The following RO60 variants were observed in gnomAD, a reference collection of about 807,000 sequenced individuals.
The protein encoded by RO60 is Ro60, Y RNA binding protein, also known as RNA-binding protein RO60.
In RO60, 20 loss-of-function variants were observed where a neutral mutation model predicts 55.3. The ratio of observed to expected loss-of-function variants is 0.36; its 90% CI spans 0.25 to 0.53. The LOEUF (loss-of-function observed/expected upper bound fraction) is 0.53. Among genes scored for constraint, RO60 ranks in the 20% least tolerant of loss-of-function variants. The pLI, the probability that RO60 is intolerant of heterozygous loss-of-function variation, is 0.92. For synonymous variants in RO60, 213 were observed against 213.6 expected, an observed-to-expected ratio of 1.00 and a Z score of 0.02; for missense variants, 558 against 646.6, an observed-to-expected ratio of 0.86 and a Z score of 1.49.
intron 1 of RO60, among the ~76,000 whole-genome samples, chr1:193,065,112 C>T (rs1673019134): frequency 6.6e-6 from 1 of 152,044 alleles, no homozygotes; most frequent in Non-Finnish European, 1.5e-5. Context: ...CTTTTATTCT[C>T]AAAATGTGTT....
intron 2 of RO60, among the ~76,000 whole-genome samples, chr1:193,073,429 TA>T: frequency 6.6e-6 from 1 of 152,334 alleles, no homozygotes; most frequent in East Asian, 1.9e-4. Flanking sequence ...AAAATCGACA[TA>T]AAAACCCATA....
intron 1 of RO60, among the ~76,000 whole-genome samples, chr1:193,068,149 A>G (rs1193862275): frequency 6.6e-6 from 1 of 152,224 alleles, no homozygotes; most frequent in African/African-American, 2.4e-5. Flanking sequence ...CTGGCCAGTC[A>G]TGACACATGC....
At chr1:193,078,367 C>T (rs532849245) in intron 5 of RO60, among the ~76,000 whole-genome samples, 2 of 152,188 alleles carry the variant, frequency 1.3e-5, no homozygotes, top group Admixed American at 1.3e-4. Context: ...ACAAGGATGC[C>T]CAGTTTTTCC....
At position 193,090,179 on chromosome 1, in the gene RO60, A is replaced by C. The variant is rs1030038665; in HGVS notation, c.*5448A>C. On this transcript the variant is annotated 3_prime_UTR_variant, in exon 9 of 9. Coordinates refer to ENST00000400968, the MANE Select transcript of RO60 (RefSeq NM_001173524.2). ...ATATGCTTGAACAAAGGAAATAGTA[A>C]ATTAGCTATATGTCTGCTGGTTTCA... 3 of 152,144 alleles carry C rather than the reference A, an allele frequency of 2.0e-5. No homozygotes were observed. Among genetic ancestry groups the C allele is most frequent in the Non-Finnish European group, 4.4e-5 (3 of 68,026 alleles). The allele number at this position is 152,144 out of a possible 1,614,324, so 9.4% of individuals were successfully genotyped here. A position where few individuals can be genotyped will look rare whatever the true frequency, so the allele number is the denominator to read the frequency against.
chr1:193,079,587 G>A (rs1003149525), intron 5 of RO60, among the ~76,000 whole-genome samples: 3 of 152,008 alleles, frequency 2.0e-5, no homozygotes, highest in African/African-American at 7.3e-5. Flanking sequence ...CAAAAACACA[G>A]GCAGCAAAAG....
intron 1 of RO60, among the ~76,000 whole-genome samples, chr1:193,067,188 T>C (rs1457431488): frequency 2.7e-5 from 4 of 146,992 alleles, no homozygotes; most frequent in South Asian, 2.2e-4. Context: ...TTCTTTCTTT[T>C]TTTTTTTTTT....
At chr1:193,063,717 G>A (rs1672933604) in intron 1 of RO60, among the ~76,000 whole-genome samples, 1 of 152,158 alleles carries the variant, frequency 6.6e-6, no homozygotes, top group Admixed American at 6.5e-5. Flanking sequence ...TAAAGGACAA[G>A]GTCCCCACTA....
chr1:193,082,781 T>TG (rs1558253147), intron 8 of RO60, 73 bp downstream of exon 8: 28 of 1,117,618 alleles, frequency 2.5e-5, no homozygotes, highest in Non-Finnish European at 3.2e-5. Flanking sequence ...TTTTTTTTTT[T>TG]GGAGACAGGA....
chr1:193,081,553 T>C, intron 6 of RO60, 73 bp downstream of exon 6: 1 of 785,848 alleles, frequency 1.3e-6, no homozygotes, highest in Non-Finnish European at 2.1e-6. Flanking sequence ...AGATTAATAA[T>C]GATTAAGAAT....
rs1015805318 is a variant in RO60 at position 193,086,543 on chromosome 1, A to G, written c.*1812A>G. On this transcript the variant is annotated 3_prime_UTR_variant, in exon 9 of 9. Transcript: ENST00000400968. ...ATTGAATTTAAAGTTTAAAGAAACT[A>G]ATAGAATTACGTAATAGTTATTGAA... 2.6e-5 allele frequency: 4 copies of G among 152,176 alleles called. No individual in the cohort carries two copies. Among genetic ancestry groups the G allele is most frequent in the Admixed American group, 2.0e-4 (3 of 15,282 alleles). The allele number at this position is 152,176 out of a possible 1,614,324, so 9.4% of individuals were successfully genotyped here.
chr1:193,090,212 G>A lies in RO60; in HGVS notation c.*5481G>A, dbSNP rs1051676544. The A allele has an allele frequency of 1.3e-5, 2 of 152,128 alleles. No homozygotes were observed. The highest frequency in any genetic ancestry group is 6.6e-5 in the Admixed American group (1 of 15,264). 9.4% of individuals were successfully genotyped at this position (152,128 alleles called of 1,614,324 possible). On this transcript the variant is annotated 3_prime_UTR_variant, in exon 9 of 9. Coordinates refer to ENST00000400968, the MANE Select transcript of RO60 (RefSeq NM_001173524.2). ...ATATGTCTGCTGGTTTCACTTCGATGTGGATATGGATATGTGGATAAAGAC... is the reference window on the plus strand; with the variant it reads ...ATATGTCTGCTGGTTTCACTTCGATATGGATATGGATATGTGGATAAAGAC...
At position 193,069,259 on chromosome 1, in the gene RO60, A is replaced by C. The variant is rs745402330; in HGVS notation, c.205A>C (p.Arg69=). ...EALIRLIEDG[R]GCEVIQEIKS... ...TTTAATTAGATTGATTGAAGATGGC[A>C]GAGGATGTGAAGTGATACAAGAAAT... is the stretch of plus-strand genomic sequence containing the variant. Residue 69 remains arginine, a synonymous_variant, in exon 2 of 9, where the codon AGA becomes CGA. Transcript: ENST00000400968. 6.2e-7 allele frequency: 1 copy of C among 1,614,248 alleles called. No individual in the cohort carries two copies. The highest frequency in any genetic ancestry group is 8.5e-7 in the Non-Finnish European group (1 of 1,180,046).
chr1:193,079,955 C>T (rs1332051799), intron 5 of RO60, among the ~76,000 whole-genome samples: 5 of 148,546 alleles, frequency 3.4e-5, no homozygotes, highest in Admixed American at 6.7e-5. Context: ...GGTGATACCC[C>T]GTCTCTAAAA....
Position 193,082,587 on chromosome 1 carries a change from C to G in RO60, c.1343C>G (p.Ser448Cys), listed in dbSNP as rs770043565. 9 of 1,613,758 alleles carry G rather than the reference C, an allele frequency of 5.6e-6. No homozygotes were observed. In the African/African-American group the frequency reaches 1.2e-4, roughly 22 times the overall value. The change falls in exon 8 of 9, where the codon TCT becomes TGT. Residue 448 changes from serine (S) to cysteine (C), a missense_variant. Coordinates refer to ENST00000400968, the MANE Select transcript of RO60 (RefSeq NM_001173524.2). ...SQIPAGGTDC[S>C]LPMIWAQKTN... ...ATCCCAGCAGGTGGAACTGATTGCT[C>G]TCTTCCAATGATCTGGGCTCAGAAG...
chr1:193,069,188 CTTA>C lies in RO60; in HGVS notation c.139_141del (p.Tyr47del), dbSNP rs1558237532. 1.9e-6 allele frequency: 3 copies of C among 1,614,120 alleles called. No homozygotes were observed. The highest frequency in any genetic ancestry group is 1.3e-5 in the African/African-American group (1 of 75,016). ...TTATGTTTCGGTTCTGAAGGTGGGA[CTTA>C]TTATATCAAAGAACAGAAGTTGGGC... On this transcript the variant is annotated inframe_deletion, in exon 2 of 9. Transcript: ENST00000400968.
At chr1:193,077,257 A>G (rs1673987755) in intron 5 of RO60, among the ~76,000 whole-genome samples, 1 of 152,166 alleles carries the variant, frequency 6.6e-6, no homozygotes, top group African/African-American at 2.4e-5. Context: ...GTAGCAACTA[A>G]TTATTCTAAG....
rs1392682883 is a variant in RO60 at position 193,087,181 on chromosome 1, C to T, written c.*2450C>T. ...TGTAATTCATAGGAATCCTCAAGCA[C>T]AATTAACCTGTGTTGCTATATATAT... On this transcript the variant is annotated 3_prime_UTR_variant, in exon 9 of 9. Transcript: ENST00000400968. 1.3e-5 allele frequency: 2 copies of T among 152,008 alleles called. No homozygotes were observed. Among genetic ancestry groups the T allele is most frequent in the African/African-American group, 2.4e-5 (1 of 41,382 alleles). The allele number at this position is 152,008 out of a possible 1,614,324, so 9.4% of individuals were successfully genotyped here. A position where few individuals can be genotyped will look rare whatever the true frequency, so the allele number is the denominator to read the frequency against.
chr1:193,076,240 A>G (rs1161926000), intron 3 of RO60, among the ~76,000 whole-genome samples, 200 bp downstream of exon 3: 3 of 152,140 alleles, frequency 2.0e-5, no homozygotes, highest in Non-Finnish European at 2.9e-5. Flanking sequence ...GTTTCACTCC[A>G]GAAAATCTAC....
Position 193,087,616 on chromosome 1 carries a change from T to C in RO60, c.*2885T>C, listed in dbSNP as rs747854913. 6.6e-6 allele frequency: 1 copy of C among 152,184 alleles called. No homozygotes were observed. Among genetic ancestry groups the C allele is most frequent in the Non-Finnish European group, 1.5e-5 (1 of 68,012 alleles). The allele number at this position is 152,184 out of a possible 1,614,324, so 9.4% of individuals were successfully genotyped here. ...ACTGTGTGACTGTAGACAACCAGTTTAACCTAAGTGATTTGATTATTTTTA... is the reference window on the plus strand; with the variant it reads ...ACTGTGTGACTGTAGACAACCAGTTCAACCTAAGTGATTTGATTATTTTTA... On this transcript the variant is annotated 3_prime_UTR_variant, in exon 9 of 9. Coordinates refer to ENST00000400968, the MANE Select transcript of RO60 (RefSeq NM_001173524.2).
Sources: allele counts gnomAD v4.1 joint callset (sites outside exome capture counted in the v4.1 genomes callset), GRCh38; gene constraint gnomAD v4.1.1; transcripts MANE v1.5; gene names NCBI Gene and HGNC (gene_info 2026-07-23, HGNC 2026-07-21).